Variants in SH3BP5 observed in about 807,000 individuals in gnomAD.
SH3BP5 encodes SH3 domain-binding protein 5.
Under a neutral mutation model 43.3 loss-of-function variants are expected in SH3BP5, and 22 were observed. The ratio of observed to expected loss-of-function variants is 0.51; its 90% CI spans 0.36 to 0.73. SH3BP5 has a LOEUF of 0.73. SH3BP5 is among the 30% of genes least tolerant of loss of function. The probability of loss-of-function intolerance (pLI) is 0.00; values close to 1 mark genes in which losing one functional copy is unlikely to be tolerated. For missense variants in SH3BP5, 529 were observed against 586.9 expected, an observed-to-expected ratio of 0.90 and a Z score of 1.02; for synonymous variants, 255 against 225.8, an observed-to-expected ratio of 1.13 and a Z score of -1.16.
intron 2 of SH3BP5, among the ~76,000 whole-genome samples, chr3:15,327,655 AC>A (rs1235288551): frequency 1.3e-5 from 2 of 152,140 alleles, no homozygotes; most frequent in African/African-American, 2.4e-5. Flanking sequence ...CCAACCAAAA[AC>A]GTAAACTCCT....
At chr3:15,292,744 A>C (rs767463378) in intron 3 of SH3BP5, among the ~76,000 whole-genome samples, 112 of 152,320 alleles carry the variant, frequency 7.4e-4, no homozygotes, top group Non-Finnish European at 1.1e-3. Context: ...GCTACTCGGG[A>C]GGCTGAAGCA....
At chr3:15,330,062 TAGGAC>T (rs1369019901) in intron 2 of SH3BP5, among the ~76,000 whole-genome samples, 2 of 152,210 alleles carry the variant, frequency 1.3e-5, no homozygotes, top group East Asian at 1.9e-4. Context: ...GGTGAGTTAT[TAGGAC>T]AGGAAAGTCA....
rs181715103 is a variant in SH3BP5 at position 15,272,245 on chromosome 3, T to C, written c.331-2368A>G. On this transcript the variant is annotated intron_variant, in intron 3 of 8. Coordinates refer to ENST00000383791, the MANE Select transcript of SH3BP5 (RefSeq NM_004844.5). ...GAGCACTCTGTGATTGTGTACTGCATACCAGACCCAGACCCAGCCCTCCAG... is the reference window on the plus strand; with the variant it reads ...GAGCACTCTGTGATTGTGTACTGCACACCAGACCCAGACCCAGCCCTCCAG... Among the ~76,000 whole-genome samples the C allele has an allele frequency of 2.0e-3, 308 of 152,278 alleles. 2 individuals are homozygous for C. The highest frequency in any genetic ancestry group is 7.1e-3 in the African/African-American group (294 of 41,556).
At chr3:15,338,877 C>T (rs1425440265) in intron 1 of SH3BP5, among the ~76,000 whole-genome samples, 1 of 152,160 alleles carries the variant, frequency 6.6e-6, no homozygotes, top group Non-Finnish European at 1.5e-5. Flanking sequence ...ACCCTATTGG[C>T]AGACCACTTA....
At chr3:15,289,539 T>G (rs1403695801) in intron 3 of SH3BP5, among the ~76,000 whole-genome samples, 1 of 152,236 alleles carries the variant, frequency 6.6e-6, no homozygotes, top group Non-Finnish European at 1.5e-5. Context: ...CTGCCTAATT[T>G]AGGTCCTCTG....
intron 3 of SH3BP5, 132 bp downstream of exon 3, chr3:15,303,971 G>A (rs1697826346): frequency 8.6e-6 from 6 of 700,282 alleles, no homozygotes; most frequent in Admixed American, 2.2e-5. Context: ...ATTGCGGGGC[G>A]GTGGGTCACT....
At chr3:15,327,330 G>A (rs894801372) in intron 2 of SH3BP5, among the ~76,000 whole-genome samples, 9 of 152,130 alleles carry the variant, frequency 5.9e-5, no homozygotes, top group African/African-American at 2.2e-4. Context: ...AACCCGGGAG[G>A]CAGAGGTTGC....
intron 2 of SH3BP5, among the ~76,000 whole-genome samples, chr3:15,316,714 C>T (rs1338376727): frequency 7.3e-6 from 1 of 137,544 alleles, no homozygotes; most frequent in African/African-American, 2.8e-5. Flanking sequence ...GCACATTACT[C>T]ATCTGCTATG....
chr3:15,273,350 C>T (rs371720276), intron 3 of SH3BP5: 2 of 985,268 alleles, frequency 2.0e-6, no homozygotes, highest in Non-Finnish European at 2.4e-6. Flanking sequence ...GGGCCCAGCA[C>T]CTCTTCACAC....
chr3:15,284,974 C>CA (rs1266042998), intron 3 of SH3BP5, among the ~76,000 whole-genome samples: 2 of 152,188 alleles, frequency 1.3e-5, no homozygotes, highest in Non-Finnish European at 2.9e-5. Context: ...TCTGGCAACC[C>CA]ACAGCCCTCT....
intron 3 of SH3BP5, among the ~76,000 whole-genome samples, chr3:15,277,607 G>A (rs73144085): frequency 0.041 from 6,225 of 152,120 alleles, 424 homozygotes; most frequent in African/African-American, 0.14. Context: ...AGTCTCACCT[G>A]CTCTGAGGAA....
chr3:15,258,358 G>C (rs1460338805), intron 7 of SH3BP5, among the ~76,000 whole-genome samples: 3 of 151,528 alleles, frequency 2.0e-5, no homozygotes, highest in Non-Finnish European at 4.4e-5. Flanking sequence ...TTGGGTGTCA[G>C]GGGTTGATTC....
At chr3:15,312,932 T>C (rs532860677) in intron 2 of SH3BP5, among the ~76,000 whole-genome samples, 8 of 152,268 alleles carry the variant, frequency 5.3e-5, no homozygotes, top group Non-Finnish European at 8.8e-5. Context: ...CCATTTATAA[T>C]AAGGCTATTT....
intron 3 of SH3BP5, among the ~76,000 whole-genome samples, chr3:15,299,076 T>C (rs1370047865): frequency 6.6e-6 from 1 of 152,220 alleles, no homozygotes; most frequent in Non-Finnish European, 1.5e-5. Context: ...AGTGATAAAA[T>C]GACAGGTCCA....
chr3:15,306,754 T>C (rs1298740184), intron 2 of SH3BP5, among the ~76,000 whole-genome samples: 1 of 152,084 alleles, frequency 6.6e-6, no homozygotes, highest in Non-Finnish European at 1.5e-5. Context: ...CTGTAACCTC[T>C]GCCTCCCGGG....
chr3:15,338,719 G>T (rs563538250), intron 1 of SH3BP5, among the ~76,000 whole-genome samples: 6 of 150,838 alleles, frequency 4.0e-5, no homozygotes, highest in African/African-American at 1.5e-4. Flanking sequence ...CACTAGCAAG[G>T]TCCCCCGAAA....
At chr3:15,282,589 C>T (rs1404142306) in intron 3 of SH3BP5, among the ~76,000 whole-genome samples, 4 of 151,540 alleles carry the variant, frequency 2.6e-5, no homozygotes, top group Non-Finnish European at 4.4e-5. Flanking sequence ...AAAAAATAAC[C>T]ACGGTTTCTA....
intron 3 of SH3BP5, chr3:15,276,064 T>C (rs1384166537): frequency 2.0e-5 from 3 of 148,484 alleles, no homozygotes; most frequent in Admixed American, 6.7e-5. Context: ...ATGAATGTGA[T>C]GTGACCTTCA....
intron 3 of SH3BP5, among the ~76,000 whole-genome samples, chr3:15,270,366 T>TCAG (rs1380335447): frequency 6.6e-6 from 1 of 152,136 alleles, no homozygotes; most frequent in Non-Finnish European, 1.5e-5. Context: ...ATCACACAGC[T>TCAG]GACTAGATGC....
Sources: allele counts gnomAD v4.1 joint callset (sites outside exome capture counted in the v4.1 genomes callset), GRCh38; gene constraint gnomAD v4.1.1; transcripts MANE v1.5; gene names NCBI Gene and HGNC (gene_info 2026-07-23, HGNC 2026-07-21).